Variants in PSTPIP1 observed in about 807,000 individuals in gnomAD.
The protein encoded by PSTPIP1 is proline-serine-threonine phosphatase-interacting protein 1.
In PSTPIP1, 66 loss-of-function variants were observed where a neutral mutation model predicts 69.6. That is an observed-to-expected ratio of 0.95 (90% CI 0.78 to 1.16). The LOEUF is 1.16. Among genes scored for constraint, PSTPIP1 ranks in the 50% most tolerant of loss-of-function variants. PSTPIP1 has a pLI of 0.00. For missense variants in PSTPIP1, 603 were observed against 557.4 expected (o/e 1.08, Z -0.82); for synonymous variants, 266 against 222.7 (o/e 1.19, Z -1.73).
intron 9 of PSTPIP1, among the ~76,000 whole-genome samples, 197 bp downstream of exon 9, chr15:77,030,778 C>T (rs1434102332): frequency 1.3e-5 from 2 of 152,224 alleles, no homozygotes; most frequent in African/African-American, 4.8e-5. Flanking sequence ...GAGTCCTGGG[C>T]CCCTTCGTTG....
chr15:77,016,950 C>A (rs1232010733), intron 1 of PSTPIP1, among the ~76,000 whole-genome samples: 1 of 152,046 alleles, frequency 6.6e-6, no homozygotes, highest in Non-Finnish European at 1.5e-5. Flanking sequence ...GTGTGCGTGA[C>A]CTTGGAGACT....
At chr15:76,994,965 CT>C, upstream of PSTPIP1, 2 of 1,217,080 alleles carry the variant, frequency 1.6e-6, no homozygotes, top group Admixed American at 2.6e-5. Flanking sequence ...CTCAAGCTCC[CT>C]TAGCATATGG....
At chr15:77,002,145 A>C (rs1568483351) in intron 1 of PSTPIP1, among the ~76,000 whole-genome samples, 1 of 152,166 alleles carries the variant, frequency 6.6e-6, no homozygotes, top group Non-Finnish European at 1.5e-5. Flanking sequence ...CATGCCCCCA[A>C]ACGCATTGTC....
rs2076390782 is a variant in PSTPIP1 at position 77,030,587 on chromosome 15, T to C, written c.642+6T>C. The C allele has an allele frequency of 1.3e-6, 2 of 1,588,508 alleles. No homozygotes were observed. Among genetic ancestry groups the C allele is most frequent in the Non-Finnish European group, 1.7e-6 (2 of 1,160,700 alleles). On this transcript the variant is annotated splice_donor_region_variant and intron_variant, in intron 9 of 14. Coordinates refer to ENST00000558012, the MANE Select transcript of PSTPIP1 (RefSeq NM_003978.5). ...AGCACCGGACCACCTGTGAGGTGAG[T>C]GGCCCACGTGGAGCCTCGTTTTCCC...
intron 11 of PSTPIP1, 34 bp from the exon 12 acceptor site, chr15:77,032,828 G>T: frequency 6.5e-7 from 1 of 1,533,400 alleles, no homozygotes. Context: ...GGGTGTTGGG[G>T]GCCGCCCTGG....
chr15:77,025,137 C>T, intron 3 of PSTPIP1, 147 bp from the exon 4 acceptor site: 1 of 856,294 alleles, frequency 1.2e-6, no homozygotes, highest in Non-Finnish European at 1.9e-6. Context: ...CACCATCTGG[C>T]TAAAGGGTCC....
chr15:77,037,145 T>G lies in PSTPIP1; in HGVS notation c.1220T>G (p.Phe407Cys). 6.2e-7 allele frequency: 1 copy of G among 1,611,438 alleles called. No individual in the cohort carries two copies. Among genetic ancestry groups the G allele is most frequent in the Non-Finnish European group, 8.5e-7 (1 of 1,179,416 alleles). ...WTVERNGQRGFVPGSYLEKL is the reference protein window; with the variant it reads ...WTVERNGQRGCVPGSYLEKL ...GTGGAGAGGAACGGGCAGCGTGGCT[T>G]CGTCCCTGGTTCCTACCTGGAGAAG... Residue 407 changes from phenylalanine (F) to cysteine (C), a missense_variant, in exon 15 of 15, where the codon TTC (phenylalanine) becomes TGC (cysteine). Physicochemically the swap from Phe to Cys is radical, Grantham distance 205. Transcript: ENST00000558012.
At position 76,995,580 on chromosome 15, in the gene PSTPIP1, C is replaced by T. The variant is rs1057519224; in HGVS notation, c.7C>T (p.Pro3Ser). Residue 3 changes from proline to serine, a missense_variant, in exon 1 of 15, where the codon CCC becomes TCC. Physicochemically the swap from Pro to Ser is moderately conservative, Grantham distance 74 (BLOSUM62 -1). Transcript: ENST00000558012. MM[P>S]QLQFKDAFWC... ...CCGCGGCAGACGCCTGAGGATGATG[C>T]CCCAGCTGCAGTTCAAAGATGCCTT... 3 of 1,613,816 alleles carry T rather than the reference C, an allele frequency of 1.9e-6. No individual in the cohort carries two copies. The highest frequency in any genetic ancestry group is 8.5e-7 in the Non-Finnish European group (1 of 1,179,886).
intron 1 of PSTPIP1, among the ~76,000 whole-genome samples, chr15:76,997,871 C>G (rs1299370387): frequency 6.7e-6 from 1 of 150,204 alleles, no homozygotes; most frequent in Non-Finnish European, 1.5e-5. Flanking sequence ...TGGCCCATGT[C>G]TGGGCCTTCC....
intron 1 of PSTPIP1, among the ~76,000 whole-genome samples, chr15:77,004,463 C>A (rs963373412): frequency 1.3e-5 from 2 of 152,134 alleles, no homozygotes; most frequent in Non-Finnish European, 2.9e-5. Flanking sequence ...AACAGCCACA[C>A]TGGGGAGGAA....
At chr15:77,031,948 C>T (rs1450440000) in intron 10 of PSTPIP1, among the ~76,000 whole-genome samples, 3 of 152,160 alleles carry the variant, frequency 2.0e-5, no homozygotes, top group African/African-American at 4.8e-5. Context: ...GGTAGAAGGG[C>T]GAGCTCTGGA....
chr15:77,011,587 G>A (rs796282432), intron 1 of PSTPIP1, among the ~76,000 whole-genome samples: 1 of 152,240 alleles, frequency 6.6e-6, no homozygotes, highest in South Asian at 2.1e-4. Context: ...AAAACTAAAA[G>A]TCTGTCTTTG....
chr15:77,025,351 T>G, intron 4 of PSTPIP1, 33 bp downstream of exon 4: 4 of 1,596,022 alleles, frequency 2.5e-6, no homozygotes, highest in Non-Finnish European at 2.6e-6. Context: ...ATGGGATCTT[T>G]TGGGACTGCG....
At chr15:77,018,377 C>A (rs2152678902) in intron 2 of PSTPIP1, 80 bp from the exon 3 acceptor site, 1 of 1,541,266 alleles carries the variant, frequency 6.5e-7, no homozygotes, top group Non-Finnish European at 8.8e-7. Context: ...TTAAAAAACT[C>A]TTCTGTGTTC....
chr15:77,031,285 G>C lies in PSTPIP1; in HGVS notation c.741+7G>C. On this transcript the variant is annotated splice_region_variant and intron_variant, in intron 10 of 14. Coordinates refer to ENST00000558012, the MANE Select transcript of PSTPIP1 (RefSeq NM_003978.5). ...GTGTGTCAAGGATGATGAGGTGGGG[G>C]CTGAGGGCCTTGGTGTGGGGTAAGG... 4 of 1,611,890 alleles carry C rather than the reference G, an allele frequency of 2.5e-6. No homozygotes were observed. Among genetic ancestry groups the C allele is most frequent in the Non-Finnish European group, 3.4e-6 (4 of 1,178,946 alleles).
intron 12 of PSTPIP1, among the ~76,000 whole-genome samples, chr15:77,034,464 T>C (rs1026069717): frequency 3.3e-5 from 5 of 152,050 alleles, no homozygotes; most frequent in Admixed American, 6.5e-5. Context: ...ACATGCCACC[T>C]TGAATTGCAG....
intron 8 of PSTPIP1, among the ~76,000 whole-genome samples, chr15:77,029,785 C>G (rs369584394): frequency 3.3e-5 from 5 of 152,330 alleles, no homozygotes; most frequent in Admixed American, 2.6e-4. Flanking sequence ...GTCCTCACAG[C>G]TGCCCTCCGA....
intron 10 of PSTPIP1, chr15:77,031,810 G>T: frequency 5.7e-6 from 1 of 175,758 alleles, no homozygotes; most frequent in South Asian, 1.2e-4. Flanking sequence ...CGGCTCTCCC[G>T]GGCAGCCCTG....
intron 11 of PSTPIP1, 101 bp from the exon 12 acceptor site, chr15:77,032,760 TG>T: frequency 9.9e-7 from 1 of 1,012,588 alleles, no homozygotes; most frequent in Non-Finnish European, 1.5e-6. Context: ...GGCACCAGGA[TG>T]GGCCAGGGCC....
Sources: gnomAD v4.1 joint callset for allele counts (sites outside exome capture counted in the v4.1 genomes callset) on GRCh38, gnomAD v4.1.1 for gene constraint, MANE v1.5 for transcripts, NCBI Gene and HGNC (gene_info 2026-07-23, HGNC 2026-07-21) for gene names.